The following SLC4A10 variants were observed in gnomAD, a reference collection of about 807,000 sequenced individuals.
The protein encoded by SLC4A10 is sodium-driven chloride bicarbonate exchanger.
A neutral mutation model predicts 137.7 loss-of-function variants in SLC4A10; 42 were observed. That is an observed-to-expected ratio of 0.30 (90% CI 0.24 to 0.39). The LOEUF is 0.39. Among genes scored for constraint, SLC4A10 ranks in the 10% least tolerant of loss-of-function variants. SLC4A10 has a pLI of 1.00. For missense variants in SLC4A10, 925 were observed against 1,355.0 expected (o/e 0.68, Z 4.98); for synonymous variants, 474 against 464.1 (o/e 1.02, Z -0.27).
intron 15 of SLC4A10, among the ~76,000 whole-genome samples, chr2:161,909,296 T>C (rs979844625): frequency 6.6e-5 from 10 of 152,142 alleles, no homozygotes; most frequent in African/African-American, 2.4e-4. Context: ...TCTCCACATT[T>C]CCATCTCTGT....
At chr2:161,840,714 A>C (rs1051120437) in intron 4 of SLC4A10, among the ~76,000 whole-genome samples, 3 of 152,358 alleles carry the variant, frequency 2.0e-5, no homozygotes, top group South Asian at 2.1e-4. Flanking sequence ...ACAGGTGTGC[A>C]CAAGAAACTG....
At chr2:161,719,375 T>G (rs2045346711) in intron 1 of SLC4A10, among the ~76,000 whole-genome samples, 1 of 152,248 alleles carries the variant, frequency 6.6e-6, no homozygotes. Flanking sequence ...CATGTGCATG[T>G]GTCTTTATAG....
chr2:161,764,695 T>G (rs188987954), intron 1 of SLC4A10, among the ~76,000 whole-genome samples: 3 of 152,140 alleles, frequency 2.0e-5, no homozygotes, highest in Admixed American at 2.0e-4. Flanking sequence ...CCAGAAGAAA[T>G]AGTTGATATT....
chr2:161,911,848 C>T (rs1217221965), intron 15 of SLC4A10, among the ~76,000 whole-genome samples: 1 of 152,020 alleles, frequency 6.6e-6, no homozygotes, highest in Non-Finnish European at 1.5e-5. Context: ...TGTTTGACAT[C>T]TTAGATTAAA....
chr2:161,706,043 A>G (rs894119076), intron 1 of SLC4A10, among the ~76,000 whole-genome samples: 5 of 151,598 alleles, frequency 3.3e-5, no homozygotes, highest in African/African-American at 1.2e-4. Flanking sequence ...GTTTTTAGTA[A>G]TTAATTGTGT....
chr2:161,731,454 G>A (rs534584282), intron 1 of SLC4A10, among the ~76,000 whole-genome samples: 27 of 152,194 alleles, frequency 1.8e-4, no homozygotes, highest in African/African-American at 6.5e-4. Context: ...TTAGACACAA[G>A]AATTGGAAGT....
At chr2:161,675,590 T>C (rs1368702383) in intron 1 of SLC4A10, among the ~76,000 whole-genome samples, 1 of 152,098 alleles carries the variant, frequency 6.6e-6, no homozygotes, top group African/African-American at 2.4e-5. Flanking sequence ...TCTTGACCTC[T>C]TTGGGTTTAC....
chr2:161,656,377 A>G (rs1342517103), intron 1 of SLC4A10, among the ~76,000 whole-genome samples: 1 of 152,220 alleles, frequency 6.6e-6, no homozygotes, highest in Non-Finnish European at 1.5e-5. Flanking sequence ...GTGGCAGAGT[A>G]TTAAGTAGTG....
intron 10 of SLC4A10, among the ~76,000 whole-genome samples, chr2:161,884,839 G>A (rs906028018): frequency 2.8e-4 from 43 of 152,184 alleles, no homozygotes; most frequent in African/African-American, 1.0e-3. Flanking sequence ...CAAAGCCTCG[G>A]TGAGGCAATT....
At chr2:161,712,711 G>C (rs1181823972) in intron 1 of SLC4A10, among the ~76,000 whole-genome samples, 1 of 151,748 alleles carries the variant, frequency 6.6e-6, no homozygotes, top group Non-Finnish European at 1.5e-5. Context: ...AAACTTCAAA[G>C]AGAAGTGAGT....
intron 3 of SLC4A10, among the ~76,000 whole-genome samples, chr2:161,836,548 GAAAGAAAGAA>G (rs1359319751): frequency 1.5e-4 from 10 of 66,688 alleles, no homozygotes; most frequent in South Asian, 5.2e-4. Context: ...AAGAAAGAAA[GAAAGAAAGAA>G]AGAAAGAAAG....
chr2:161,673,992 A>T (rs2040016985), intron 1 of SLC4A10, among the ~76,000 whole-genome samples: 1 of 122,086 alleles, frequency 8.2e-6, no homozygotes, highest in Non-Finnish European at 1.7e-5. Context: ...TCCATCTCAA[A>T]ACAAAACAAA....
intron 1 of SLC4A10, among the ~76,000 whole-genome samples, chr2:161,760,936 C>A (rs1410746132): frequency 6.6e-6 from 1 of 151,826 alleles, no homozygotes; most frequent in African/African-American, 2.4e-5. Flanking sequence ...CACACACACA[C>A]CACATGCACA....
chr2:161,953,916 T>C (rs74406816), intron 19 of SLC4A10, among the ~76,000 whole-genome samples: 2,009 of 152,346 alleles, frequency 0.013, 41 homozygotes, highest in East Asian at 0.099. Context: ...AACTGAATCC[T>C]TTTGAAAAGC....
At chr2:161,696,676 G>T (rs1354934376) in intron 1 of SLC4A10, among the ~76,000 whole-genome samples, 1 of 151,924 alleles carries the variant, frequency 6.6e-6, no homozygotes, top group African/African-American at 2.4e-5. Flanking sequence ...TGGTGTATAT[G>T]TACCACATTT....
chr2:161,869,761 G>T (rs913561227), intron 6 of SLC4A10, among the ~76,000 whole-genome samples: 2 of 151,532 alleles, frequency 1.3e-5, no homozygotes, highest in Admixed American at 6.6e-5. Context: ...CTTAAACTTC[G>T]CAGGACTTTT....
chr2:161,860,929 G>A (rs1384402596), intron 5 of SLC4A10, among the ~76,000 whole-genome samples: 1 of 152,176 alleles, frequency 6.6e-6, no homozygotes, highest in African/African-American at 2.4e-5. Context: ...TAAAAAAGAA[G>A]TTAATATGTT....
intron 25 of SLC4A10, 85 bp downstream of exon 25, chr2:161,976,961 C>A: frequency 1.5e-6 from 1 of 667,478 alleles, no homozygotes; most frequent in South Asian, 3.0e-5. Context: ...ATATTAGTTT[C>A]CATCAAATTT....
At chr2:161,888,819 A>G (rs1386167573) in intron 10 of SLC4A10, among the ~76,000 whole-genome samples, 1 of 152,014 alleles carries the variant, frequency 6.6e-6, no homozygotes, top group Non-Finnish European at 1.5e-5. Flanking sequence ...TTCCAATACT[A>G]TGTTGGATAG....
Sources: gnomAD v4.1 joint callset for allele counts (sites outside exome capture counted in the v4.1 genomes callset) on GRCh38, gnomAD v4.1.1 for gene constraint, MANE v1.5 for transcripts, NCBI Gene and HGNC (gene_info 2026-07-23, HGNC 2026-07-21) for gene names.